Variants in GPI observed in about 807,000 individuals in gnomAD.
GPI encodes glucose-6-phosphate isomerase, also known as D-hexose-6-phosphate anomerase.
Under a neutral mutation model 75.8 loss-of-function variants are expected in GPI, and 56 were observed. The ratio of observed to expected loss-of-function variants is 0.74; its 90% CI spans 0.60 to 0.92. GPI has a LOEUF of 0.92. GPI is among the 40% of genes least tolerant of loss of function. The probability of loss-of-function intolerance (pLI) is 0.00; values close to 1 mark genes in which losing one functional copy is unlikely to be tolerated. For missense variants in GPI, 638 were observed against 741.0 expected, an observed-to-expected ratio of 0.86 and a Z score of 1.61; for synonymous variants, 288 against 285.4, an observed-to-expected ratio of 1.01 and a Z score of -0.09.
chr19:34,393,508 C>T lies in GPI; in HGVS notation c.865+200C>T, dbSNP rs1160359150. On this transcript the variant is annotated intron_variant, in intron 10 of 17. Transcript: ENST00000356487. This position sits in a 1 kb window ranked among gnomAD's most constrained non-coding sequence, Gnocchi z 4.4. ...GTGCAAGTTGGCCCCCGTCTTTGCC[C>T]CTCACAACTGCAGTCCTGTTTCTCT... is the stretch of plus-strand genomic sequence containing the variant. The T allele has an allele frequency of 1.4e-5, 10 of 710,864 alleles. No homozygotes were observed. In the East Asian group the frequency reaches 1.9e-4, roughly 13 times the overall value. The allele number at this position is 710,864 out of a possible 1,614,324, so 44.0% of individuals were successfully genotyped here.
At chr19:34,386,652 T>C (rs2074739377) in intron 9 of GPI, among the ~76,000 whole-genome samples, 1 of 152,176 alleles carries the variant, frequency 6.6e-6, no homozygotes, top group Admixed American at 6.5e-5. Flanking sequence ...TGGGGGTCTC[T>C]ACAGGCAGGC....
chr19:34,400,449 C>A lies in GPI; in HGVS notation c.*413C>A. Reference sequence around the variant, plus strand: ...CGGACACTTAACACTAAGTGGTGAGCGGGTCTAGAGTGGAGCAAGGTGCCC... The same window carrying A: ...CGGACACTTAACACTAAGTGGTGAGAGGGTCTAGAGTGGAGCAAGGTGCCC... On this transcript the variant is annotated 3_prime_UTR_variant, in exon 18 of 18. Coordinates refer to ENST00000356487, the MANE Select transcript of GPI (RefSeq NM_000175.5). 1.7e-6 allele frequency: 1 copy of A among 578,916 alleles called. No individual in the cohort carries two copies. Among genetic ancestry groups the A allele is most frequent in the Non-Finnish European group, 3.0e-6 (1 of 328,312 alleles). 35.9% of individuals were successfully genotyped at this position (578,916 alleles called of 1,614,324 possible). A position where few individuals can be genotyped will look rare whatever the true frequency, so the allele number is the denominator to read the frequency against.
Position 34,393,684 on chromosome 19 carries a change from C to T in GPI, c.866-44C>T, listed in dbSNP as rs73926770. 8.9e-4 allele frequency: 1,414 copies of T among 1,595,760 alleles called. 4 individuals are homozygous for T. The highest frequency in any genetic ancestry group is 7.6e-3 in the African/African-American group (565 of 74,738). ...GGAGCTGTGCCCACTGCCCACAGGA[C>T]GCAGGGTGTGGCCACTTCTGTTGAC... is the stretch of plus-strand genomic sequence containing the variant. On this transcript the variant is annotated intron_variant, in intron 10 of 17. Transcript: ENST00000356487. The surrounding 1 kb of genome is among the most constrained non-coding windows in gnomAD (Gnocchi z 4.4).
chr19:34,364,246 C>A (rs1366160272), upstream of GPI, among the ~76,000 whole-genome samples: 1 of 152,040 alleles, frequency 6.6e-6, no homozygotes, highest in East Asian at 1.9e-4. Context: ...CCAGGCTCGG[C>A]TTGAACTCCT....
upstream of GPI, chr19:34,364,944 C>G: frequency 6.6e-7 from 1 of 1,524,348 alleles, no homozygotes; most frequent in East Asian, 2.5e-5. Flanking sequence ...CACCTGGGCT[C>G]CAGTGATCCC....
At chr19:34,375,418 G>A (rs2074520623) in intron 4 of GPI, among the ~76,000 whole-genome samples, 2 of 152,124 alleles carry the variant, frequency 1.3e-5, no homozygotes, top group African/African-American at 4.8e-5. Context: ...AAAGTGCCAG[G>A]ATTACAGGTG....
At position 34,396,426 on chromosome 19, in the gene GPI, C is replaced by G; in HGVS notation, c.1188C>G (p.His396Gln). ...AGCATGCTTTTTACCAGCTCATCCA[C>G]CAAGGTAGGCCCCTGTGGCCTGGGA... ...NGQHAFYQLI[H>Q]QGTKMIPCDF... The change falls in exon 13 of 18, where the codon CAC becomes CAG. Residue 396 changes from histidine to glutamine, a missense_variant. Physicochemically the swap from His to Gln is conservative, Grantham distance 24 (BLOSUM62 0). Transcript: ENST00000356487. 1 of 1,614,164 alleles carries G rather than the reference C, an allele frequency of 6.2e-7. No homozygotes were observed.
intron 4 of GPI, among the ~76,000 whole-genome samples, chr19:34,374,415 T>C (rs1393393618): frequency 3.3e-5 from 5 of 152,158 alleles, no homozygotes; most frequent in Non-Finnish European, 7.4e-5. Flanking sequence ...TGGGGGACTA[T>C]CATAGTCCCG....
chr19:34,365,106 TCGGGGGCGGGGC>T, upstream of GPI: 1 of 1,307,594 alleles, frequency 7.6e-7, no homozygotes, highest in Non-Finnish European at 9.9e-7. Flanking sequence ...GGGGCGCGGG[TCGGGGGCGGGGC>T]CGGGGCTCAG....
chr19:34,366,761 C>T (rs770109801), intron 2 of GPI, 22 bp from the exon 3 acceptor site: 1 of 1,594,082 alleles, frequency 6.3e-7, no homozygotes, highest in East Asian at 2.2e-5. Context: ...TGGGACCAGG[C>T]CTCAGTATCG....
At chr19:34,377,379 A>G in intron 4 of GPI, 124 bp from the exon 5 acceptor site, 2 of 564,042 alleles carry the variant, frequency 3.5e-6, no homozygotes, top group South Asian at 2.0e-5. Flanking sequence ...AAACAAAAAA[A>G]TAGAGGCACC....
At chr19:34,391,782 AGTG>A in intron 9 of GPI, among the ~76,000 whole-genome samples, 1 of 576 alleles carries the variant, frequency 1.7e-3, no homozygotes, top group African/African-American at 0.012. Context: ...TGGATCTTCT[AGTG>A]TCTGAGGAGG....
chr19:34,394,906 G>A (rs1316359046), intron 12 of GPI, among the ~76,000 whole-genome samples: 1 of 152,004 alleles, frequency 6.6e-6, no homozygotes, highest in East Asian at 1.9e-4. Context: ...TGGAAACGGG[G>A]TTTCACTATG....
intron 9 of GPI, among the ~76,000 whole-genome samples, chr19:34,385,450 G>A (rs1178097899): frequency 6.6e-6 from 1 of 152,166 alleles, no homozygotes; most frequent in African/African-American, 2.4e-5. Context: ...AGGTATGTAG[G>A]TATGTGGAAT....
chr19:34,370,736 A>C (rs79400865), intron 4 of GPI, among the ~76,000 whole-genome samples: 1 of 151,602 alleles, frequency 6.6e-6, no homozygotes, highest in Non-Finnish European at 1.5e-5. Context: ...AAAAAAAAAA[A>C]CCAACAAAAA....
rs2145367571 is a variant in GPI at position 34,379,549 on chromosome 19, T to C, written c.737T>C (p.Leu246Pro). The change falls in exon 8 of 18, where the codon CTG becomes CCG. Residue 246 changes from leucine (L) to proline (P), a missense_variant. Transcript: ENST00000356487. ...PSAVAKHFVA[L>P]STNTTKVKEF... ...GCAGTGGCGAAGCACTTTGTTGCCC[T>C]GTCTACTAACACAGTAAGTGCCCCC... 1 of 1,614,004 alleles carries C rather than the reference T, an allele frequency of 6.2e-7. No individual in the cohort carries two copies. Among genetic ancestry groups the C allele is most frequent in the East Asian group, 2.2e-5 (1 of 44,892 alleles).
At chr19:34,388,502 A>G (rs2074773288) in intron 9 of GPI, among the ~76,000 whole-genome samples, 1 of 152,042 alleles carries the variant, frequency 6.6e-6, no homozygotes, top group Non-Finnish European at 1.5e-5. Flanking sequence ...GAGTAAAGTG[A>G]GGAAAAAGGT....
chr19:34,374,387 G>T (rs920310569), intron 4 of GPI, among the ~76,000 whole-genome samples: 10 of 152,084 alleles, frequency 6.6e-5, no homozygotes, highest in African/African-American at 2.4e-4. Flanking sequence ...AAGGACCACT[G>T]GTCACCATCT....
At position 34,377,834 on chromosome 19, in the gene GPI, C is replaced by T; in HGVS notation, c.586C>T (p.Leu196=). 2 of 1,614,144 alleles carry T rather than the reference C, an allele frequency of 1.2e-6. No homozygotes were observed. Among genetic ancestry groups the T allele is most frequent in the African/African-American group, 1.3e-5 (1 of 75,032 alleles). ...NIDGTHIAKT[L]AQLNPESSLF... ...TGATGGAACTCACATTGCCAAAACC[C>T]TGGCCCAGCTGAACCCCGAGTCCTC... Residue 196 remains leucine, a synonymous_variant, in exon 6 of 18, where the codon CTG becomes TTG. Coordinates refer to ENST00000356487, the MANE Select transcript of GPI (RefSeq NM_000175.5).
Sources: gnomAD v4.1 joint callset for allele counts (sites outside exome capture counted in the v4.1 genomes callset) on GRCh38, gnomAD v4.1.1 for gene constraint, Gnocchi (gnomAD v3.1) non-coding constraint, MANE v1.5 for transcripts, NCBI Gene and HGNC (gene_info 2026-07-23, HGNC 2026-07-21) for gene names.